The following GNA11 variants were observed in gnomAD, a reference collection of about 807,000 sequenced individuals.
GNA11 encodes G protein subunit alpha 11, also known as guanine nucleotide-binding protein subunit alpha-11.
A neutral mutation model predicts 38.2 loss-of-function variants in GNA11; 8 were observed. The ratio of observed to expected loss-of-function variants is 0.21; its 90% CI spans 0.12 to 0.38. The LOEUF (loss-of-function observed/expected upper bound fraction) is 0.38. Among genes scored for constraint, GNA11 ranks in the 10% least tolerant of loss-of-function variants. GNA11 has a pLI of 1.00. For synonymous variants in GNA11, 211 were observed against 221.4 expected, an observed-to-expected ratio of 0.95 and a Z score of 0.42; for missense variants, 268 against 516.3, an observed-to-expected ratio of 0.52 and a Z score of 4.66.
intron 1 of GNA11, among the ~76,000 whole-genome samples, chr19:3,107,599 C>G (rs1568281156): frequency 1.3e-5 from 2 of 152,200 alleles, no homozygotes; most frequent in African/African-American, 4.8e-5. Flanking sequence ...TCCAAACAAA[C>G]ACGGAGCAGC....
In GNA11 at chr19:3,119,785, A is replaced by G. The variant is rs2145327712; in HGVS notation, c.889+426A>G. The stretch of plus-strand genomic sequence containing the variant: ...CCCATATGGGAGGGGTCTCACAGGA[A>G]GGGTTCACGCACACTGCCAGCGCAG... On this transcript the variant is annotated intron_variant, in intron 6 of 6. Transcript: ENST00000078429. The surrounding 1 kb of genome is among the most constrained non-coding windows in gnomAD (Gnocchi z 4.6). Among the ~76,000 whole-genome samples the G allele has an allele frequency of 6.6e-6, 1 of 151,752 alleles. No individual in the cohort carries two copies.
chr19:3,094,922 GC>G lies in GNA11; in HGVS notation c.136+138del. 1.7e-6 allele frequency: 1 copy of G among 578,310 alleles called. No individual in the cohort carries two copies. Among genetic ancestry groups the G allele is most frequent in the South Asian group, 2.6e-5 (1 of 38,060 alleles). 35.8% of individuals were successfully genotyped at this position (578,310 alleles called of 1,614,324 possible). On this transcript the variant is annotated intron_variant, in intron 1 of 6. Transcript: ENST00000078429. The surrounding 1 kb of genome is among the most constrained non-coding windows in gnomAD (Gnocchi z 6.0). ...CGGGTCGCGAGACCCTCCGGGGTCAGCCCTGCCTGTGCCTTCCCTGCCTGTC... is the reference window on the plus strand; with the variant it reads ...CGGGTCGCGAGACCCTCCGGGGTCAGCCTGCCTGTGCCTTCCCTGCCTGTC...
intron 1 of GNA11, among the ~76,000 whole-genome samples, chr19:3,106,914 C>A (rs564267751): frequency 3.7e-4 from 56 of 152,354 alleles, no homozygotes; most frequent in African/African-American, 1.3e-3. Flanking sequence ...CGAGCCAGGG[C>A]TGTGGTTGTC....
At chr19:3,114,223 G>A (rs1401132774) in intron 3 of GNA11, among the ~76,000 whole-genome samples, 4 of 152,278 alleles carry the variant, frequency 2.6e-5, no homozygotes, top group Middle Eastern at 3.4e-3. Context: ...GGGCCTCCTC[G>A]CGGTGCCGGA....
intron 1 of GNA11, among the ~76,000 whole-genome samples, chr19:3,105,144 G>A (rs994535814): frequency 6.6e-6 from 1 of 152,124 alleles, no homozygotes; most frequent in African/African-American, 2.4e-5. Context: ...CGTGGAGTGC[G>A]TGCTCCCCTG....
In GNA11 at chr19:3,094,857, C is replaced by T; in HGVS notation, c.136+70C>T. ...CTGTGCCTGCCCTGCCTGTCCGGGT[C>T]GGGCCGGGACCCTCCGGGGTCAGCC... is the stretch of plus-strand genomic sequence containing the variant. On this transcript the variant is annotated intron_variant, in intron 1 of 6. Transcript: ENST00000078429. The surrounding 1 kb of genome is among the most constrained non-coding windows in gnomAD (Gnocchi z 6.0). 2.5e-6 allele frequency: 3 copies of T among 1,211,510 alleles called. No individual in the cohort carries two copies. Among genetic ancestry groups the T allele is most frequent in the Non-Finnish European group, 3.3e-6 (3 of 917,546 alleles). 75.0% of individuals were successfully genotyped at this position (1,211,510 alleles called of 1,614,324 possible). A position where few individuals can be genotyped will look rare whatever the true frequency, so the allele number is the denominator to read the frequency against.
intron 1 of GNA11, among the ~76,000 whole-genome samples, chr19:3,106,293 C>T (rs867329083): frequency 6.6e-6 from 1 of 152,178 alleles, no homozygotes; most frequent in African/African-American, 2.4e-5. Context: ...TGGACCCCTG[C>T]GTCCCAGCTC....
intron 1 of GNA11, among the ~76,000 whole-genome samples, chr19:3,102,264 G>T (rs1913524488): frequency 6.6e-6 from 1 of 152,216 alleles, no homozygotes; most frequent in African/African-American, 2.4e-5. Context: ...CCCCTGACCG[G>T]CGAGGGGCAG....
chr19:3,094,823 C>T lies in GNA11; in HGVS notation c.136+36C>T. The T allele has an allele frequency of 1.4e-6, 2 of 1,472,386 alleles. No homozygotes were observed. Among genetic ancestry groups the T allele is most frequent in the Non-Finnish European group, 1.8e-6 (2 of 1,104,130 alleles). The allele number at this position is 1,472,386 out of a possible 1,614,324, so 91.2% of individuals were successfully genotyped here. A position where few individuals can be genotyped will look rare whatever the true frequency, so the allele number is the denominator to read the frequency against. On this transcript the variant is annotated intron_variant, in intron 1 of 6. Transcript: ENST00000078429. This position sits in a 1 kb window ranked among gnomAD's most constrained non-coding sequence, Gnocchi z 6.0. Reference sequence around the variant, plus strand: ...CCCCCGGGCCTGCCGGCTGCGGGCCCTGCCCTGCCTGTGCCTGCCCTGCCT... The same window carrying T: ...CCCCCGGGCCTGCCGGCTGCGGGCCTTGCCCTGCCTGTGCCTGCCCTGCCT...
intron 1 of GNA11, among the ~76,000 whole-genome samples, chr19:3,099,383 C>A (rs545408413): frequency 1.3e-5 from 2 of 152,150 alleles, no homozygotes; most frequent in Admixed American, 1.3e-4. Context: ...CGATTAGGGG[C>A]GGCCAGGGGC....
In GNA11 at chr19:3,110,662, T is replaced by C. The variant is rs1191645452; in HGVS notation, c.321+329T>C. Reference sequence around the variant, plus strand: ...AGGTGAGCCACTCGCCCAGGTCGCCTTGGGAGTAAGCAGCGTGAGCTCCTG... The same window carrying C: ...AGGTGAGCCACTCGCCCAGGTCGCCCTGGGAGTAAGCAGCGTGAGCTCCTG... On this transcript the variant is annotated intron_variant, in intron 2 of 6. Transcript: ENST00000078429. The surrounding 1 kb of genome is among the most constrained non-coding windows in gnomAD (Gnocchi z 5.4). 6.6e-6 allele frequency among the ~76,000 whole-genome samples: 1 copy of C among 152,146 alleles called. No homozygotes were observed. Among genetic ancestry groups the C allele is most frequent in the Non-Finnish European group, 1.5e-5 (1 of 68,006 alleles).
chr19:3,111,510 A>G (rs1352275745), intron 2 of GNA11, among the ~76,000 whole-genome samples: 36 of 152,202 alleles, frequency 2.4e-4, no homozygotes, highest in Admixed American at 2.4e-3. Flanking sequence ...GTCCCTGTTC[A>G]TGGCTGAGTC....
In GNA11 at chr19:3,097,472, T is replaced by C. The variant is rs76732355; in HGVS notation, c.136+2685T>C. Among the ~76,000 whole-genome samples, 712 of 152,148 alleles carry C rather than the reference T, an allele frequency of 4.7e-3. 5 individuals carry two copies. The highest frequency in any genetic ancestry group is 8.1e-3 in the Non-Finnish European group (552 of 67,968). On this transcript the variant is annotated intron_variant, in intron 1 of 6. Coordinates refer to ENST00000078429, the MANE Select transcript of GNA11 (RefSeq NM_002067.5). ...CCCAGGAGGGTCTCGTTTATGTGGG[T>C]GGTGCTGGTTTCTTCCAGGCTCTGG...
rs2145320870 is a variant in GNA11 at position 3,115,002 on chromosome 19, G to A, written c.535G>A (p.Val179Met). 3 of 1,613,154 alleles carry A rather than the reference G, an allele frequency of 1.9e-6. No homozygotes were observed. The highest frequency in any genetic ancestry group is 2.5e-6 in the Non-Finnish European group (3 of 1,179,776). ...GGGCTACCTGCCCACCCAGCAGGAC[G>A]TGCTGCGGGTCCGCGTGCCCACCAC... ...TLGYLPTQQD[V>M]LRVRVPTTGI... Residue 179 changes from valine (V) to methionine (M), a missense_variant, in exon 4 of 7, where the codon GTG becomes ATG. By Grantham distance (21) the Val-to-Met change is conservative. Transcript: ENST00000078429.
intron 1 of GNA11, among the ~76,000 whole-genome samples, chr19:3,097,902 TCCC>T (rs916807905): frequency 2.0e-5 from 3 of 152,150 alleles, no homozygotes; most frequent in African/African-American, 7.2e-5. Flanking sequence ...TGCCAGGAGC[TCCC>T]CCAAGTCGTG....
At chr19:3,106,413 G>A (rs763271407) in intron 1 of GNA11, among the ~76,000 whole-genome samples, 2 of 152,356 alleles carry the variant, frequency 1.3e-5, no homozygotes, top group South Asian at 2.1e-4. Context: ...ATGTAGTCAC[G>A]TTGCCTGGCT....
At position 3,119,232 on chromosome 19, in the gene GNA11, G is replaced by A; in HGVS notation, c.762G>A (p.Leu254=). 1.2e-6 allele frequency: 2 copies of A among 1,613,978 alleles called. No individual in the cohort carries two copies. The highest frequency in any genetic ancestry group is 1.7e-6 in the Non-Finnish European group (2 of 1,179,962). The change falls in exon 6 of 7, where the codon CTG becomes CTA. Residue 254 remains leucine, a synonymous_variant. Coordinates refer to ENST00000078429, the MANE Select transcript of GNA11 (RefSeq NM_002067.5). This position sits in a 1 kb window ranked among gnomAD's most constrained non-coding sequence, Gnocchi z 4.6. Reference sequence around the variant, plus strand: ...ACCGGATGGAGGAGAGCAAAGCCCTGTTCCGGACCATCATCACCTACCCCT... The same window carrying A: ...ACCGGATGGAGGAGAGCAAAGCCCTATTCCGGACCATCATCACCTACCCCT... ...NENRMEESKA[L]FRTIITYPWF...
At chr19:3,105,837 G>A (rs1002259850) in intron 1 of GNA11, among the ~76,000 whole-genome samples, 27 of 152,294 alleles carry the variant, frequency 1.8e-4, no homozygotes, top group African/African-American at 6.0e-4. Flanking sequence ...TAAAGCTGCC[G>A]TGGTGCTTGG....
intron 4 of GNA11, among the ~76,000 whole-genome samples, chr19:3,115,738 G>A (rs564303132): frequency 9.5e-5 from 14 of 147,020 alleles, no homozygotes; most frequent in Non-Finnish European, 1.8e-4. Flanking sequence ...CATGGGGACC[G>A]AGGCTGTGAG....
Sources: allele counts gnomAD v4.1 joint callset (sites outside exome capture counted in the v4.1 genomes callset), GRCh38; gene constraint gnomAD v4.1.1; non-coding constraint Gnocchi (gnomAD v3.1); transcripts MANE v1.5; gene names NCBI Gene and HGNC (gene_info 2026-07-23, HGNC 2026-07-21).